The following ARNT variants were observed in gnomAD, a reference collection of about 807,000 sequenced individuals.
ARNT encodes the protein aryl hydrocarbon receptor nuclear translocator.
Under a neutral mutation model 105.0 loss-of-function variants are expected in ARNT, and 30 were observed. The ratio of observed to expected loss-of-function variants is 0.29; its 90% CI spans 0.21 to 0.39. ARNT has a LOEUF of 0.39. Ranked by LOEUF, ARNT falls within the 10% of genes least tolerant of loss-of-function variation. ARNT has a pLI of 1.00. For synonymous variants in ARNT, 304 were observed against 344.0 expected, an observed-to-expected ratio of 0.88 and a Z score of 1.29; for missense variants, 748 against 978.7, an observed-to-expected ratio of 0.76 and a Z score of 3.15.
At chr1:150,850,481 G>T (rs587728225) in intron 3 of ARNT, among the ~76,000 whole-genome samples, 46 of 152,344 alleles carry the variant, frequency 3.0e-4, no homozygotes, top group African/African-American at 5.5e-4. Context: ...ACGGGGTTTC[G>T]CTGGGTTGGC....
At chr1:150,832,485 G>GTTGT in intron 8 of ARNT, 86 bp from the exon 9 acceptor site, 5 of 1,230,834 alleles carry the variant, frequency 4.1e-6, no homozygotes, top group Non-Finnish European at 6.0e-6. Flanking sequence ...ACATGCTCTG[G>GTTGT]ATACAACCAG....
rs369510752 is a variant in ARNT at position 150,814,111 on chromosome 1, G to C, written c.2079C>G (p.Ala693=). ...GAPTASPGAA[A]YPSLTNRGSN... ...ATCCACGATTGGTGAGACTAGGGTA[G>C]GCAGCAGCACCAGGCGATGCAGTTG... is the stretch of plus-strand genomic sequence containing the variant. The change falls in exon 20 of 22, where the codon GCC becomes GCG. Residue 693 remains alanine (A), a synonymous_variant. Coordinates refer to ENST00000358595, the MANE Select transcript of ARNT (RefSeq NM_001668.4). 1 of 1,614,182 alleles carries C rather than the reference G, an allele frequency of 6.2e-7. No homozygotes were observed. The highest frequency in any genetic ancestry group is 8.5e-7 in the Non-Finnish European group (1 of 1,180,036).
At chr1:150,841,647 C>G (rs1008064029) in intron 5 of ARNT, among the ~76,000 whole-genome samples, 1 of 152,198 alleles carries the variant, frequency 6.6e-6, no homozygotes, top group Admixed American at 6.5e-5. Context: ...ACAGAAAAGT[C>G]TATGCATATT....
chr1:150,830,010 C>G, intron 10 of ARNT, 30 bp from the exon 11 acceptor site: 1 of 1,611,368 alleles, frequency 6.2e-7, no homozygotes, highest in Non-Finnish European at 8.5e-7. Context: ...AAAGGTTTAA[C>G]GGGGACCTCC....
intron 1 of ARNT, among the ~76,000 whole-genome samples, chr1:150,872,648 T>G (rs1667633170): frequency 6.6e-6 from 1 of 152,196 alleles, no homozygotes; most frequent in Non-Finnish European, 1.5e-5. Flanking sequence ...GCATTACAAA[T>G]GACACATTCA....
At position 150,832,381 on chromosome 1, in the gene ARNT, C is replaced by G; in HGVS notation, c.822G>C (p.Val274=). 1 of 1,614,084 alleles carries G rather than the reference C, an allele frequency of 6.2e-7. No individual in the cohort carries two copies. Among genetic ancestry groups the G allele is most frequent in the Non-Finnish European group, 8.5e-7 (1 of 1,179,996 alleles). The part of the protein sequence containing the change: ...ICRMRCGSSS[V]DPVSVNRLSF... ...TCAGCCTATTCACAGAAACTGGGTC[C>G]ACAGAGCTACTGCCACACCTGTTTC... is the stretch of plus-strand genomic sequence containing the variant. The change falls in exon 9 of 22, where the codon GTG becomes GTC. Residue 274 remains valine (V), a synonymous_variant. Coordinates refer to ENST00000358595, the MANE Select transcript of ARNT (RefSeq NM_001668.4).
At chr1:150,845,775 G>A (rs1211472085) in intron 4 of ARNT, among the ~76,000 whole-genome samples, 2 of 152,030 alleles carry the variant, frequency 1.3e-5, no homozygotes, top group Non-Finnish European at 2.9e-5. Flanking sequence ...GGTGGCAGGG[G>A]CCTATAATCC....
intron 14 of ARNT, 146 bp downstream of exon 14, chr1:150,823,048 C>G: frequency 1.5e-6 from 1 of 681,454 alleles, no homozygotes. Context: ...TCCAGAGTAG[C>G]TGGGACTACA....
chr1:150,865,812 C>T (rs1400904221), intron 1 of ARNT, among the ~76,000 whole-genome samples: 3 of 152,174 alleles, frequency 2.0e-5, no homozygotes, highest in Non-Finnish European at 4.4e-5. Context: ...TCTTGGTTTA[C>T]TATCTCCTAC....
At chr1:150,812,176 T>TC (rs1259302923) in intron 21 of ARNT, 66 bp from the exon 22 acceptor site, 2 of 1,203,262 alleles carry the variant, frequency 1.7e-6, no homozygotes, top group African/African-American at 3.1e-5. Flanking sequence ...CAAGTTCTAC[T>TC]CCACCATTCC....
intron 10 of ARNT, among the ~76,000 whole-genome samples, chr1:150,831,199 C>A (rs1659311673): frequency 6.6e-6 from 1 of 152,206 alleles, no homozygotes; most frequent in Non-Finnish European, 1.5e-5. Context: ...CACCTTGCTT[C>A]TCTTTTCTCT....
chr1:150,845,634 T>C (rs1004718224), intron 4 of ARNT, among the ~76,000 whole-genome samples: 24 of 151,428 alleles, frequency 1.6e-4, no homozygotes, highest in Non-Finnish European at 2.5e-4. Context: ...CCGGGTGCGG[T>C]GGCTCACACC....
chr1:150,826,192 G>A (rs1241946235), intron 13 of ARNT, among the ~76,000 whole-genome samples: 8 of 152,184 alleles, frequency 5.3e-5, no homozygotes, highest in African/African-American at 1.9e-4. Flanking sequence ...TGGGATTATA[G>A]GCGTGAGCCA....
chr1:150,839,452 G>A lies in ARNT; in HGVS notation c.475C>T (p.Leu159Phe), dbSNP rs1280793940. The A allele has an allele frequency of 6.2e-7, 1 of 1,614,180 alleles. No homozygotes were observed. Among genetic ancestry groups the A allele is most frequent in the Non-Finnish European group, 8.5e-7 (1 of 1,180,016 alleles). Residue 159 changes from leucine (L) to phenylalanine (F), a missense_variant, in exon 6 of 22, where the codon CTC becomes TTC. Around this residue, in one of 4 missense-constraint regions of ARNT, gnomAD observed 291 missense variants for 444.6 expected, o/e 0.65. Coordinates refer to ENST00000358595, the MANE Select transcript of ARNT (RefSeq NM_001668.4). The part of the protein sequence containing the change: ...STDGSYKPSF[L>F]TDQELKHLIL... ...TAAGTCCCAGAGACCTGATCAGTGA[G>A]GAAAGACGGCTTATAGGAGCCATCA... is the stretch of plus-strand genomic sequence containing the variant.
At chr1:150,834,695 G>A in intron 7 of ARNT, 55 bp from the exon 8 acceptor site, 2 of 1,478,622 alleles carry the variant, frequency 1.4e-6, no homozygotes, top group Admixed American at 1.7e-5. Context: ...TGGGGAAGAG[G>A]GGGAGAGATA....
rs1171167808 is a variant in ARNT, at chr1:150,860,491, C to A, written c.26-2031G>T. Among the ~76,000 whole-genome samples the A allele has an allele frequency of 4.6e-5, 7 of 151,398 alleles. 1 individual carries two copies. Among genetic ancestry groups the A allele is most frequent in the African/African-American group, 1.7e-4 (7 of 41,222 alleles). ...TCAGCCTCCCAAAATGCTAGGATTA[C>A]AGGCATGAGCCACCGTGCCCAGCAG... On this transcript the variant is annotated intron_variant, in intron 1 of 21. Transcript: ENST00000358595.
chr1:150,854,721 G>C (rs1664254703), intron 2 of ARNT, among the ~76,000 whole-genome samples: 2 of 151,852 alleles, frequency 1.3e-5, no homozygotes, highest in African/African-American at 4.8e-5. Context: ...GCTGGGTGTG[G>C]TGGCGGGCAC....
At chr1:150,828,992 A>C in intron 12 of ARNT, 101 bp downstream of exon 12, 1 of 1,375,596 alleles carries the variant, frequency 7.3e-7, no homozygotes. Flanking sequence ...CTTTTTCTTA[A>C]CTGAGGTTGA....
chr1:150,826,255 C>T (rs587710019), intron 13 of ARNT, among the ~76,000 whole-genome samples: 4 of 152,160 alleles, frequency 2.6e-5, no homozygotes, highest in South Asian at 2.1e-4. Flanking sequence ...AGAGGTTGGG[C>T]GCATGAGCCA....
Sources: gnomAD v4.1 joint callset for allele counts (sites outside exome capture counted in the v4.1 genomes callset) on GRCh38, gnomAD v4.1.1 for gene constraint, gnomAD v4.1.1 regional missense constraint, MANE v1.5 for transcripts, NCBI Gene and HGNC (gene_info 2026-07-23, HGNC 2026-07-21) for gene names.